Variants in CSNK2A2 observed in about 807,000 individuals in gnomAD.
CSNK2A2 encodes the protein casein kinase 2 alpha 2, also known as casein kinase II subunit alpha'.
Under a neutral mutation model 54.0 loss-of-function variants are expected in CSNK2A2, and 8 were observed. The ratio of observed to expected loss-of-function variants is 0.15; its 90% CI spans 0.09 to 0.27. The LOEUF (loss-of-function observed/expected upper bound fraction) is 0.27, where lower values mean the gene tolerates loss of function less well. CSNK2A2 is among the 10% of genes least tolerant of loss of function. The pLI is 1.00. For synonymous variants in CSNK2A2, 141 were observed against 153.9 expected (o/e 0.92, Z 0.62); for missense variants, 242 against 439.4 (o/e 0.55, Z 4.02).
chr16:58,175,536 T>TATCTGC (rs1961855756), intron 4 of CSNK2A2, among the ~76,000 whole-genome samples: 1 of 152,192 alleles, frequency 6.6e-6, no homozygotes, highest in African/African-American at 2.4e-5. Flanking sequence ...ATATTTTCTG[T>TATCTGC]ATCTGCAAAA....
At chr16:58,177,080 C>G (rs1295669600) in intron 4 of CSNK2A2, among the ~76,000 whole-genome samples, 1 of 152,180 alleles carries the variant, frequency 6.6e-6, no homozygotes, top group Non-Finnish European at 1.5e-5. Context: ...CACCCATTTC[C>G]TACACTGAAC....
In CSNK2A2 at chr16:58,197,234, C is replaced by T; in HGVS notation, c.105-390G>A. 3.6e-6 allele frequency: 1 copy of T among 274,228 alleles called. No homozygotes were observed. Among genetic ancestry groups the T allele is most frequent in the South Asian group, 5.4e-5 (1 of 18,536 alleles). The allele number at this position is 274,228 out of a possible 1,614,324, so 17.0% of individuals were successfully genotyped here. ...AAATCTGGACGTCTTTAAGAAATTT[C>T]CTCCCACCACCTCATCTCAGAAAAC... On this transcript the variant is annotated intron_variant, in intron 1 of 11. Transcript: ENST00000262506. This position sits in a 1 kb window ranked among gnomAD's most constrained non-coding sequence, Gnocchi z 4.0.
At chr16:58,158,397 C>G (rs917137533) in intron 11 of CSNK2A2, 44 bp from the exon 12 acceptor site, 1 of 152,608 alleles carries the variant, frequency 6.6e-6, no homozygotes, top group African/African-American at 2.4e-5. Flanking sequence ...ATTAATCAAC[C>G]TGAGCGGGCG....
intron 5 of CSNK2A2, among the ~76,000 whole-genome samples, chr16:58,173,248 G>A (rs868649692): frequency 2.0e-5 from 3 of 152,194 alleles, no homozygotes; most frequent in Admixed American, 1.3e-4. Context: ...CAAAAAGGAA[G>A]ACCCATTAGC....
rs1301884319 is a variant in CSNK2A2, at chr16:58,197,909, T to TGGGGGCGCG, written c.-182_-174dup. ...GCCGGGCCCGCGGGGGCGGGCGGGCTGGGGGCGCGGGGGGCGCCGGCCGAG... is the reference window on the plus strand; with the variant it reads ...GCCGGGCCCGCGGGGGCGGGCGGGCTGGGGGCGCGGGGGGCGCGGGGGGCGCCGGCCGAG... On this transcript the variant is annotated 5_prime_UTR_variant, in exon 1 of 12. Coordinates refer to ENST00000262506, the MANE Select transcript of CSNK2A2 (RefSeq NM_001896.4). This position sits in a 1 kb window ranked among gnomAD's most constrained non-coding sequence, Gnocchi z 4.0. The TGGGGGCGCG allele has an allele frequency of 3.8e-5, 1 of 26,316 alleles. No individual in the cohort carries two copies. Among genetic ancestry groups the TGGGGGCGCG allele is most frequent in the Admixed American group, 3.5e-4 (1 of 2,892 alleles). The allele number at this position is 26,316 out of a possible 1,614,324, so 1.6% of individuals were successfully genotyped here.
At chr16:58,174,070 G>C in intron 5 of CSNK2A2, 1 of 160,682 alleles carries the variant, frequency 6.2e-6, no homozygotes, top group East Asian at 1.9e-4. Context: ...AATCAACTGA[G>C]ACCTAAAGAA....
chr16:58,177,249 C>T (rs565911031), intron 4 of CSNK2A2, among the ~76,000 whole-genome samples: 7 of 152,312 alleles, frequency 4.6e-5, no homozygotes, highest in Non-Finnish European at 1.0e-4. Context: ...TACCAAGAGT[C>T]CATGACACAT....
chr16:58,190,653 T>C (rs970033327), intron 2 of CSNK2A2, among the ~76,000 whole-genome samples: 1 of 152,176 alleles, frequency 6.6e-6, no homozygotes, highest in Non-Finnish European at 1.5e-5. Flanking sequence ...AAAAAAATTA[T>C]TTAAAAAGGC....
chr16:58,192,360 T>A (rs1390549795), intron 2 of CSNK2A2, among the ~76,000 whole-genome samples: 1 of 151,722 alleles, frequency 6.6e-6, no homozygotes, highest in African/African-American at 2.4e-5. Flanking sequence ...TCAAATAAAC[T>A]CATATATTAA....
At chr16:58,195,629 G>C (rs995238812) in intron 2 of CSNK2A2, among the ~76,000 whole-genome samples, 2 of 152,096 alleles carry the variant, frequency 1.3e-5, no homozygotes, top group Non-Finnish European at 2.9e-5. Flanking sequence ...CGGCAATAAC[G>C]AGGACCCATC....
At chr16:58,191,456 G>A (rs887169553) in intron 2 of CSNK2A2, among the ~76,000 whole-genome samples, 16 of 152,104 alleles carry the variant, frequency 1.1e-4, no homozygotes, top group African/African-American at 3.1e-4. Context: ...CTGCCTCCCG[G>A]GTTCAAGCAA....
intron 4 of CSNK2A2, among the ~76,000 whole-genome samples, chr16:58,175,826 G>A (rs1310029364): frequency 6.6e-6 from 1 of 152,168 alleles, no homozygotes; most frequent in Non-Finnish European, 1.5e-5. Context: ...ATCAACCTCA[G>A]GGCAGCGCAG....
intron 2 of CSNK2A2, among the ~76,000 whole-genome samples, chr16:58,189,400 C>T (rs139399762): frequency 1.3e-5 from 2 of 152,220 alleles, no homozygotes; most frequent in East Asian, 3.9e-4. Context: ...GGAAAAAAAC[C>T]CACAGCCAGA....
intron 2 of CSNK2A2, among the ~76,000 whole-genome samples, chr16:58,189,905 TGAG>T (rs1047940981): frequency 3.3e-4 from 50 of 152,330 alleles, no homozygotes; most frequent in African/African-American, 1.2e-3. Flanking sequence ...CAATGAGCTC[TGAG>T]GAGCTGAAAG....
intron 11 of CSNK2A2, 157 bp downstream of exon 11, chr16:58,163,897 G>C: frequency 1.8e-6 from 1 of 562,690 alleles, no homozygotes; most frequent in East Asian, 3.1e-5. Flanking sequence ...ACTAGCACTG[G>C]GGAGTTTCTT....
chr16:58,177,590 C>G (rs894464814), intron 4 of CSNK2A2, among the ~76,000 whole-genome samples: 2 of 152,110 alleles, frequency 1.3e-5, no homozygotes, highest in Non-Finnish European at 2.9e-5. Context: ...ATCTGAAGAC[C>G]CCATTCCCAA....
At chr16:58,160,157 G>C (rs191297625) in intron 11 of CSNK2A2, 1 of 152,180 alleles carries the variant, frequency 6.6e-6, no homozygotes, top group African/African-American at 2.4e-5. Flanking sequence ...TCTCCACCTC[G>C]GGGTTATTTT....
chr16:58,167,063 T>C (rs1012375265), intron 8 of CSNK2A2, 144 bp downstream of exon 8: 2 of 572,584 alleles, frequency 3.5e-6, no homozygotes, highest in African/African-American at 3.8e-5. Context: ...AACACAAAAT[T>C]CTGTGCGATC....
intron 11 of CSNK2A2, chr16:58,159,578 T>A (rs1043306880): frequency 3.3e-5 from 5 of 152,278 alleles, no homozygotes; most frequent in African/African-American, 1.2e-4. Context: ...TTGGGAAGGC[T>A]GGTTATTGTC....
Sources: gnomAD v4.1 joint callset for allele counts (sites outside exome capture counted in the v4.1 genomes callset) on GRCh38, gnomAD v4.1.1 for gene constraint, Gnocchi (gnomAD v3.1) non-coding constraint, MANE v1.5 for transcripts, NCBI Gene and HGNC (gene_info 2026-07-23, HGNC 2026-07-21) for gene names.